The following PIBF1 variants were observed in gnomAD, a reference collection of about 807,000 sequenced individuals.
PIBF1 encodes progesterone-induced-blocking factor 1.
In PIBF1, 90 loss-of-function variants were observed where a neutral mutation model predicts 112.5. That is an observed-to-expected ratio of 0.80 (90% CI 0.67 to 0.95). PIBF1 has a LOEUF of 0.95. Ranked by LOEUF, PIBF1 falls within the 40% of genes least tolerant of loss-of-function variation. The probability of loss-of-function intolerance (pLI) is 0.00; values close to 1 mark genes in which losing one functional copy is unlikely to be tolerated. For synonymous variants in PIBF1, 301 were observed against 288.6 expected (o/e 1.04, Z -0.44); for missense variants, 915 against 852.3 (o/e 1.07, Z -0.92).
intron 5 of PIBF1, among the ~76,000 whole-genome samples, chr13:72,819,425 C>G (rs1008044167): frequency 5.9e-5 from 9 of 152,034 alleles, no homozygotes; most frequent in Admixed American, 5.9e-4. Flanking sequence ...TGTTTCTCAC[C>G]AATATTTGAA....
intron 10 of PIBF1, among the ~76,000 whole-genome samples, chr13:72,891,302 A>G (rs935976416): frequency 2.0e-5 from 3 of 152,120 alleles, no homozygotes; most frequent in Non-Finnish European, 4.4e-5. Context: ...AAATTATCTT[A>G]AAGATCAATA....
In PIBF1 at chr13:73,013,288, G is replaced by A. The variant is rs866220553; in HGVS notation, c.2224-2581G>A. Among the ~76,000 whole-genome samples, 1,049 of 116,540 alleles carry A rather than the reference G, an allele frequency of 9.0e-3. 14 individuals carry two copies. Among genetic ancestry groups the A allele is most frequent in the African/African-American group, 0.035 (969 of 27,346 alleles). The allele number at this position is 116,540 out of a possible 152,430, so 76.5% of individuals were successfully genotyped here. The stretch of plus-strand genomic sequence containing the variant: ...TGCACTCCAGCCTGGGCGACAGAGC[G>A]AGACTCTGTCTCAAAAAAAAAAAAA... On this transcript the variant is annotated intron_variant, in intron 17 of 17. Transcript: ENST00000326291.
chr13:72,891,987 T>C (rs1267282734), intron 10 of PIBF1, among the ~76,000 whole-genome samples: 2 of 152,066 alleles, frequency 1.3e-5, no homozygotes, highest in Non-Finnish European at 2.9e-5. Flanking sequence ...AAGCAAACTT[T>C]TAGAGACAAA....
chr13:72,942,631 T>C (rs1446581991), intron 14 of PIBF1, among the ~76,000 whole-genome samples: 2 of 152,202 alleles, frequency 1.3e-5, no homozygotes, highest in African/African-American at 4.8e-5. Flanking sequence ...GCTATTTTCA[T>C]AGAAGAGATT....
rs537843897 is a variant in PIBF1 at position 72,970,897 on chromosome 13, C to T, written c.1965-2694C>T. On this transcript the variant is annotated intron_variant, in intron 15 of 17. Transcript: ENST00000326291. ...AATATATGCCCAGATATTGTAATCA[C>T]AGCAATATTGTCTGGGAAGTCCACA... 3.3e-5 allele frequency among the ~76,000 whole-genome samples: 5 copies of T among 152,260 alleles called. No individual in the cohort carries two copies. The South Asian group carries it at 6.2e-4, about 19-fold the overall frequency.
intron 17 of PIBF1, among the ~76,000 whole-genome samples, chr13:73,012,695 C>A (rs189065408): frequency 1.3e-5 from 2 of 151,996 alleles, no homozygotes; most frequent in East Asian, 3.9e-4. Flanking sequence ...GTCAAGGCTG[C>A]AGTGAGCCAT....
At chr13:72,901,965 C>G (rs1327525671) in intron 11 of PIBF1, among the ~76,000 whole-genome samples, 1 of 135,650 alleles carries the variant, frequency 7.4e-6, no homozygotes, top group African/African-American at 2.6e-5. Context: ...ACCCAAATGC[C>G]TATCAATCGA....
chr13:72,867,439 A>C (rs1169771060), intron 10 of PIBF1, among the ~76,000 whole-genome samples: 2 of 152,204 alleles, frequency 1.3e-5, no homozygotes, highest in Non-Finnish European at 2.9e-5. Context: ...GTACTCAAAA[A>C]ATATTAACTA....
intron 14 of PIBF1, among the ~76,000 whole-genome samples, chr13:72,953,264 G>A (rs1280572910): frequency 6.6e-6 from 1 of 152,190 alleles, no homozygotes; most frequent in Non-Finnish European, 1.5e-5. Context: ...CACTGCACCT[G>A]TGCCTCTGAT....
intron 9 of PIBF1, among the ~76,000 whole-genome samples, chr13:72,851,585 C>T (rs969792770): frequency 2.6e-5 from 4 of 152,328 alleles, no homozygotes; most frequent in African/African-American, 7.2e-5. Flanking sequence ...TGGTTGATGG[C>T]GGCAGGAGGC....
chr13:72,977,470 AGT>A (rs1357302895), intron 16 of PIBF1, among the ~76,000 whole-genome samples: 1 of 152,164 alleles, frequency 6.6e-6, no homozygotes, highest in Non-Finnish European at 1.5e-5. Context: ...AGCCTCCCAA[AGT>A]GCTGGGATTA....
intron 10 of PIBF1, among the ~76,000 whole-genome samples, chr13:72,855,394 C>T (rs965674515): frequency 6.6e-6 from 1 of 152,066 alleles, no homozygotes; most frequent in Non-Finnish European, 1.5e-5. Context: ...ATCATGCTAT[C>T]GGGCTAGGCA....
intron 10 of PIBF1, among the ~76,000 whole-genome samples, chr13:72,870,344 C>G (rs1207481958): frequency 3.3e-5 from 5 of 152,150 alleles, no homozygotes; most frequent in Non-Finnish European, 5.9e-5. Flanking sequence ...GAACTCAGCA[C>G]TTTACTGAGT....
intron 10 of PIBF1, among the ~76,000 whole-genome samples, chr13:72,885,090 G>T (rs1291271356): frequency 6.6e-6 from 1 of 152,104 alleles, no homozygotes; most frequent in Non-Finnish European, 1.5e-5. Context: ...GATAGAGCCT[G>T]TCATATCACA....
Position 72,835,825 on chromosome 13 carries a change from C to T in PIBF1, c.1223+457C>T, listed in dbSNP as rs140213507. Among the ~76,000 whole-genome samples the T allele has an allele frequency of 1.4e-4, 22 of 152,196 alleles. 1 individual carries two copies. The East Asian group carries it at 4.2e-3, about 29-fold the overall frequency. Reference sequence around the variant, plus strand: ...TGAAGAAATATCATTTTTGGCTGGGCGTGGTGGCTCACGCCTGTAATCCCA... The same window carrying T: ...TGAAGAAATATCATTTTTGGCTGGGTGTGGTGGCTCACGCCTGTAATCCCA... On this transcript the variant is annotated intron_variant, in intron 9 of 17. Transcript: ENST00000326291.
At chr13:72,905,510 A>G (rs1281712163) in intron 11 of PIBF1, among the ~76,000 whole-genome samples, 2 of 152,216 alleles carry the variant, frequency 1.3e-5, no homozygotes, top group African/African-American at 4.8e-5. Flanking sequence ...ATAAAAATAT[A>G]TTAAATATAT....
chr13:72,994,312 G>A (rs530370364), intron 16 of PIBF1, among the ~76,000 whole-genome samples: 191 of 152,194 alleles, frequency 1.3e-3, no homozygotes, highest in African/African-American at 4.5e-3. Flanking sequence ...AGGTAATAAG[G>A]AAAAAGGCGT....
intron 4 of PIBF1, 34 bp downstream of exon 4, chr13:72,795,591 T>A: frequency 7.7e-7 from 1 of 1,303,940 alleles, no homozygotes; most frequent in Non-Finnish European, 1.1e-6. Flanking sequence ...AACTATGACA[T>A]ATATTTTCAG....
At chr13:72,979,194 G>C (rs972103932) in intron 16 of PIBF1, among the ~76,000 whole-genome samples, 3 of 152,112 alleles carry the variant, frequency 2.0e-5, no homozygotes, top group Non-Finnish European at 4.4e-5. Flanking sequence ...CTGTCTTTTA[G>C]AAAAAGAGAA....
Sources: gnomAD v4.1 joint callset for allele counts (sites outside exome capture counted in the v4.1 genomes callset) on GRCh38, gnomAD v4.1.1 for gene constraint, MANE v1.5 for transcripts, NCBI Gene and HGNC (gene_info 2026-07-23, HGNC 2026-07-21) for gene names.